Variants in RAP1GAP2 observed in about 807,000 individuals in gnomAD.
RAP1GAP2 encodes the protein RAP1 GTPase activating protein 2.
Under a neutral mutation model 95.0 loss-of-function variants are expected in RAP1GAP2, and 27 were observed. That is an observed-to-expected ratio of 0.28 (90% CI 0.21 to 0.39). The LOEUF (loss-of-function observed/expected upper bound fraction) is 0.39, where lower values mean the gene tolerates loss of function less well. Ranked by LOEUF, RAP1GAP2 falls within the 10% of genes least tolerant of loss-of-function variation. The pLI is 1.00. For missense variants in RAP1GAP2, 771 were observed against 970.0 expected, an observed-to-expected ratio of 0.79 and a Z score of 2.72; for synonymous variants, 373 against 380.9, an observed-to-expected ratio of 0.98 and a Z score of 0.24.
intron 1 of RAP1GAP2, among the ~76,000 whole-genome samples, chr17:2,760,309 A>AAAAAG (rs1281052938): frequency 1.3e-5 from 2 of 150,538 alleles, no homozygotes; most frequent in Non-Finnish European, 3.0e-5. Context: ...AAAAAAAAAA[A>AAAAAG]AAAAGAAAAG....
intron 8 of RAP1GAP2, among the ~76,000 whole-genome samples, chr17:2,973,913 A>G (rs1017233853): frequency 1.3e-5 from 2 of 152,238 alleles, no homozygotes; most frequent in African/African-American, 4.8e-5. Context: ...TAAAAATTTA[A>G]AAGAATTTTA....
At chr17:2,779,503 G>A (rs1307417105) in intron 1 of RAP1GAP2, among the ~76,000 whole-genome samples, 3 of 152,162 alleles carry the variant, frequency 2.0e-5, no homozygotes, top group Admixed American at 6.6e-5. Context: ...TAGGGCTGTG[G>A]CCCAGTTTCC....
Position 3,004,430 on chromosome 17 carries a change from C to T in RAP1GAP2, c.1201-939C>T, listed in dbSNP as rs2151602933. Among the ~76,000 whole-genome samples the T allele has an allele frequency of 6.6e-6, 1 of 152,334 alleles. No individual in the cohort carries two copies. The highest frequency in any genetic ancestry group is 2.4e-5 in the African/African-American group (1 of 41,584). ...TGCTCCACTTCACAGGCCGGGGAGG[C>T]TGGCAGCACGCCAGGGCTGGGCTCA... On this transcript the variant is annotated intron_variant, in intron 14 of 24. Transcript: ENST00000254695. The surrounding 1 kb of genome is among the most constrained non-coding windows in gnomAD (Gnocchi z 4.1).
chr17:2,830,443 T>C lies in RAP1GAP2; in HGVS notation c.80+29893T>C, dbSNP rs1033706978. Among the ~76,000 whole-genome samples, 9 of 150,868 alleles carry C rather than the reference T, an allele frequency of 6.0e-5. No homozygotes were observed. The South Asian group carries it at 6.3e-4, about 11-fold the overall frequency. On this transcript the variant is annotated intron_variant, in intron 2 of 24. Transcript: ENST00000254695. ...AAAAATTAAAAAAGATGGCCGGGTG[T>C]GGTGGCTCACGCCTGTAATCCCAGC... is the stretch of plus-strand genomic sequence containing the variant.
intron 19 of RAP1GAP2, among the ~76,000 whole-genome samples, chr17:3,021,576 C>G (rs891260117): frequency 5.3e-5 from 8 of 152,040 alleles, no homozygotes; most frequent in African/African-American, 1.7e-4. Flanking sequence ...GCTGGGACTA[C>G]AGGCGCATGC....
chr17:2,904,457 G>A lies in RAP1GAP2; in HGVS notation c.81-827G>A, dbSNP rs2042124591. Reference sequence around the variant, plus strand: ...CCTCTCTACCGTCCTAGCCCACATGGACTAAGTTAAGTTTTACCTGCGGTT... The same window carrying A: ...CCTCTCTACCGTCCTAGCCCACATGAACTAAGTTAAGTTTTACCTGCGGTT... On this transcript the variant is annotated intron_variant, in intron 2 of 24. Coordinates refer to ENST00000254695, the MANE Select transcript of RAP1GAP2 (RefSeq NM_015085.5). This position sits in a 1 kb window ranked among gnomAD's most constrained non-coding sequence, Gnocchi z 4.7. Among the ~76,000 whole-genome samples, 1 of 151,868 alleles carries A rather than the reference G, an allele frequency of 6.6e-6. No homozygotes were observed. Among genetic ancestry groups the A allele is most frequent in the African/African-American group, 2.4e-5 (1 of 41,312 alleles).
intron 2 of RAP1GAP2, among the ~76,000 whole-genome samples, chr17:2,899,761 T>A (rs2041964782): frequency 6.6e-6 from 1 of 152,270 alleles, no homozygotes; most frequent in African/African-American, 2.4e-5. Context: ...TCTGCCTGCC[T>A]CAGCCTCCCA....
At chr17:2,839,998 A>G (rs1425748019) in intron 2 of RAP1GAP2, among the ~76,000 whole-genome samples, 1 of 151,598 alleles carries the variant, frequency 6.6e-6, no homozygotes, top group African/African-American at 2.4e-5. Flanking sequence ...GGGTTTCACC[A>G]TGTTGGTCAG....
rs2070063331 is a variant in RAP1GAP2 at position 2,817,290 on chromosome 17, G to T, written c.80+16740G>T. On this transcript the variant is annotated intron_variant, in intron 2 of 24. Coordinates refer to ENST00000254695, the MANE Select transcript of RAP1GAP2 (RefSeq NM_015085.5). The stretch of plus-strand genomic sequence containing the variant: ...ATTACAGGGGTGAGCCACCATGCCT[G>T]GCCTAGAATTTCCTTTCCTTTTAAG... Among the ~76,000 whole-genome samples, 2 of 121,060 alleles carry T rather than the reference G, an allele frequency of 1.7e-5. 1 individual carries two copies. The highest frequency in any genetic ancestry group is 5.5e-5 in the African/African-American group (2 of 36,498). The allele number at this position is 121,060 out of a possible 152,430, so 79.4% of individuals were successfully genotyped here.
intron 22 of RAP1GAP2, among the ~76,000 whole-genome samples, chr17:3,028,139 GA>G (rs1018084612): frequency 6.6e-6 from 1 of 152,014 alleles, no homozygotes; most frequent in African/African-American, 2.4e-5. Context: ...AGCAGAAAAT[GA>G]AGGGAGGGGA....
intron 2 of RAP1GAP2, among the ~76,000 whole-genome samples, chr17:2,805,776 C>T (rs1425825102): frequency 6.7e-6 from 1 of 149,188 alleles, no homozygotes; most frequent in East Asian, 1.9e-4. Context: ...GTGTGTCTGT[C>T]TGTCTGTCTG....
intron 1 of RAP1GAP2, among the ~76,000 whole-genome samples, chr17:2,758,413 T>C (rs1012538877): frequency 5.3e-5 from 8 of 152,098 alleles, no homozygotes; most frequent in Non-Finnish European, 1.2e-4. Context: ...GACTTTGTGA[T>C]CCGCCTGCCT....
chr17:3,001,356 C>T (rs978861706), intron 14 of RAP1GAP2, among the ~76,000 whole-genome samples: 21 of 101,464 alleles, frequency 2.1e-4, no homozygotes, highest in African/African-American at 4.9e-4. Context: ...AGTGCAGGTC[C>T]AAGCACCAGG....
In RAP1GAP2 at chr17:2,871,860, C is replaced by T. The variant is rs1463353713; in HGVS notation, c.81-33424C>T. ...GAAATAGCAAAACACTGGAAACAAC[C>T]AAATCCCTATTCATAGTGAACTGGC... On this transcript the variant is annotated intron_variant, in intron 2 of 24. Transcript: ENST00000254695. This position sits in a 1 kb window ranked among gnomAD's most constrained non-coding sequence, Gnocchi z 5.0. Among the ~76,000 whole-genome samples the T allele has an allele frequency of 6.6e-6, 1 of 152,170 alleles. No homozygotes were observed. Among genetic ancestry groups the T allele is most frequent in the Non-Finnish European group, 1.5e-5 (1 of 68,030 alleles).
chr17:2,853,635 G>C (rs2071984657), intron 2 of RAP1GAP2, among the ~76,000 whole-genome samples: 2 of 149,378 alleles, frequency 1.3e-5, no homozygotes, highest in Admixed American at 6.6e-5. Flanking sequence ...TCCACCATCC[G>C]GGCGGCCGAG....
At chr17:2,872,897 C>T (rs2072906529) in intron 2 of RAP1GAP2, among the ~76,000 whole-genome samples, 1 of 151,946 alleles carries the variant, frequency 6.6e-6, no homozygotes, top group Admixed American at 6.6e-5. Flanking sequence ...CTCTTGGGCT[C>T]AAGCGATCCT....
At chr17:2,877,383 C>T (rs568135720) in intron 2 of RAP1GAP2, among the ~76,000 whole-genome samples, 2 of 152,304 alleles carry the variant, frequency 1.3e-5, no homozygotes, top group South Asian at 2.1e-4. Flanking sequence ...CCTTACAGTC[C>T]GTCCTCCGTA....
chr17:2,962,755 G>A, intron 5 of RAP1GAP2, 41 bp downstream of exon 5: 1 of 1,549,372 alleles, frequency 6.5e-7, no homozygotes, highest in South Asian at 1.2e-5. Flanking sequence ...CGGCCCTGGT[G>A]AGGGGCTAGG....
rs545884884 is a variant in RAP1GAP2 at position 2,882,041 on chromosome 17, C to T, written c.81-23243C>T. Among the ~76,000 whole-genome samples the T allele has an allele frequency of 9.3e-5, 14 of 150,088 alleles. No individual in the cohort carries two copies. In the South Asian group the frequency reaches 1.5e-3, roughly 16 times the overall value. ...TTCACTGTGTTAGCCAGGATGGCCT[C>T]GATCTCCTGACCTCGTGATCCACTT... On this transcript the variant is annotated intron_variant, in intron 2 of 24. Transcript: ENST00000254695.
Sources: gnomAD v4.1 joint callset for allele counts (sites outside exome capture counted in the v4.1 genomes callset) on GRCh38, gnomAD v4.1.1 for gene constraint, Gnocchi (gnomAD v3.1) non-coding constraint, MANE v1.5 for transcripts, NCBI Gene and HGNC (gene_info 2026-07-23, HGNC 2026-07-21) for gene names.